The following AGBL4 variants were observed in gnomAD, a reference collection of about 807,000 sequenced individuals.
AGBL4 encodes the protein cytosolic carboxypeptidase 6.
A neutral mutation model predicts 66.4 loss-of-function variants in AGBL4; 58 were observed. The ratio of observed to expected loss-of-function variants is 0.87; its 90% CI spans 0.71 to 1.09. The LOEUF is 1.09. Ranked by LOEUF, AGBL4 falls within the 50% of genes least tolerant of loss-of-function variation. The pLI is 0.00. For missense variants in AGBL4, 579 were observed against 631.0 expected (o/e 0.92, Z 0.88); for synonymous variants, 234 against 222.9 (o/e 1.05, Z -0.44).
At chr1:49,396,223 C>T (rs967558392) in intron 3 of AGBL4, among the ~76,000 whole-genome samples, 1 of 151,758 alleles carries the variant, frequency 6.6e-6, no homozygotes, top group African/African-American at 2.4e-5. Context: ...AATGTGTGTG[C>T]CCCACACTTC....
At chr1:49,048,520 C>A (rs1342547804) in intron 4 of AGBL4, 1 of 152,138 alleles carries the variant, frequency 6.6e-6, no homozygotes, top group Non-Finnish European at 1.5e-5. Context: ...ATTTTCTAGA[C>A]TTTCCCAAGG....
chr1:48,834,755 C>A (rs1646637298), intron 6 of AGBL4, among the ~76,000 whole-genome samples: 1 of 152,102 alleles, frequency 6.6e-6, no homozygotes, highest in Admixed American at 6.6e-5. Context: ...AGCAGACAGG[C>A]AAAGAGTTAG....
intron 6 of AGBL4, chr1:48,776,897 T>G (rs552745566): frequency 7.9e-6 from 4 of 508,410 alleles, no homozygotes; most frequent in East Asian, 1.0e-4. Context: ...GAGGTGGGGA[T>G]CCGGCGGGGG....
At chr1:48,797,063 G>A (rs1485188579) in intron 6 of AGBL4, among the ~76,000 whole-genome samples, 1 of 152,132 alleles carries the variant, frequency 6.6e-6, no homozygotes, top group Non-Finnish European at 1.5e-5. Context: ...ACCCTTAAAG[G>A]CAATATGCAC....
At chr1:49,971,942 G>A (rs1430453170) in intron 1 of AGBL4, among the ~76,000 whole-genome samples, 4 of 5,640 alleles carry the variant, frequency 7.1e-4, no homozygotes, top group Non-Finnish European at 4.6e-3. Flanking sequence ...TGCAGGGACG[G>A]AGTCTCGCTC....
intron 6 of AGBL4, among the ~76,000 whole-genome samples, chr1:48,705,796 T>C (rs1646872952): frequency 6.6e-6 from 1 of 152,170 alleles, no homozygotes; most frequent in African/African-American, 2.4e-5. Flanking sequence ...GCAAAATTAT[T>C]TAACAAGGAA....
chr1:49,496,045 C>G (rs1647528969), intron 3 of AGBL4, among the ~76,000 whole-genome samples: 1 of 152,030 alleles, frequency 6.6e-6, no homozygotes, highest in South Asian at 2.1e-4. Flanking sequence ...CCACAGACAC[C>G]TGTACACAGG....
chr1:49,765,257 G>C (rs959902846), intron 2 of AGBL4, among the ~76,000 whole-genome samples: 6 of 151,868 alleles, frequency 4.0e-5, no homozygotes, highest in African/African-American at 1.5e-4. Flanking sequence ...TTCCACAGAT[G>C]GCTCTTTCCC....
intron 4 of AGBL4, among the ~76,000 whole-genome samples, chr1:49,090,275 T>C (rs1303085796): frequency 6.6e-6 from 1 of 151,962 alleles, no homozygotes. Flanking sequence ...GGCATCCAAA[T>C]AGAAAGAGAG....
chr1:48,580,713 A>G (rs1477581172), intron 11 of AGBL4, among the ~76,000 whole-genome samples: 2 of 152,216 alleles, frequency 1.3e-5, no homozygotes, highest in African/African-American at 4.8e-5. Context: ...GAGACAAAAA[A>G]TAAAGTTGTT....
At position 48,663,177 on chromosome 1, in the gene AGBL4, T is replaced by A; in HGVS notation, c.699A>T (p.Glu233Asp). Residue 233 changes from glutamate to aspartate, a missense_variant, in exon 7 of 14, where the codon GAA becomes GAT. Glu to Asp is a conservative substitution (Grantham distance 45, BLOSUM62 2). Transcript: ENST00000371839. ...CTTGGCACACAAATGATGAGGGTGT[T>A]TCCCCTGGGTGGACTCGTCCTGTGA... ...VFITGRVHPGETPSSFVCQGI... is the reference protein window; with the variant it reads ...VFITGRVHPGDTPSSFVCQGI... 1 of 1,613,936 alleles carries A rather than the reference T, an allele frequency of 6.2e-7. No individual in the cohort carries two copies. The highest frequency in any genetic ancestry group is 2.2e-5 in the East Asian group (1 of 44,874).
At chr1:49,339,409 G>A (rs930572383) in intron 3 of AGBL4, among the ~76,000 whole-genome samples, 4 of 152,284 alleles carry the variant, frequency 2.6e-5, no homozygotes, top group Admixed American at 2.0e-4. Context: ...GGACAGTGGG[G>A]AAAAGATTCC....
intron 6 of AGBL4, among the ~76,000 whole-genome samples, chr1:48,814,704 C>T (rs1646135469): frequency 6.6e-6 from 1 of 151,786 alleles, no homozygotes; most frequent in Admixed American, 6.6e-5. Context: ...AGAATGTCCT[C>T]CAGCTTCTTC....
intron 6 of AGBL4, chr1:48,776,932 G>A: frequency 1.7e-6 from 1 of 592,536 alleles, no homozygotes; most frequent in Non-Finnish European, 2.8e-6. Flanking sequence ...ACGGTGCTGG[G>A]GGGGGCGGGG....
At chr1:49,999,150 A>T (rs1352098745) in intron 1 of AGBL4, among the ~76,000 whole-genome samples, 1 of 151,582 alleles carries the variant, frequency 6.6e-6, no homozygotes, top group Non-Finnish European at 1.5e-5. Context: ...CTGTCTGGGT[A>T]TATGATACGA....
At chr1:49,391,009 A>G (rs1644833786) in intron 3 of AGBL4, among the ~76,000 whole-genome samples, 1 of 152,194 alleles carries the variant, frequency 6.6e-6, no homozygotes, top group Non-Finnish European at 1.5e-5. Flanking sequence ...TGAGTCTTAA[A>G]GAATGAGTGG....
chr1:49,132,684 A>G (rs1451610917), intron 4 of AGBL4, among the ~76,000 whole-genome samples: 1 of 152,200 alleles, frequency 6.6e-6, no homozygotes, highest in Non-Finnish European at 1.5e-5. Context: ...CAAAACCACA[A>G]TGAGATACCA....
At chr1:49,735,321 G>T (rs925160100) in intron 2 of AGBL4, among the ~76,000 whole-genome samples, 11 of 150,962 alleles carry the variant, frequency 7.3e-5, no homozygotes, top group African/African-American at 2.4e-4. Flanking sequence ...GTGTGTGTGT[G>T]TGTGTGTGTG....
At chr1:49,431,109 T>C (rs924408729) in intron 3 of AGBL4, among the ~76,000 whole-genome samples, 1 of 152,204 alleles carries the variant, frequency 6.6e-6, no homozygotes, top group Non-Finnish European at 1.5e-5. Flanking sequence ...TGTGTTTTGG[T>C]AAACATTAAT....
Sources: gnomAD v4.1 joint callset for allele counts (sites outside exome capture counted in the v4.1 genomes callset) on GRCh38, gnomAD v4.1.1 for gene constraint, MANE v1.5 for transcripts, NCBI Gene and HGNC (gene_info 2026-07-23, HGNC 2026-07-21) for gene names.